SMC1B: variants seen among roughly 807,000 people sequenced by gnomAD.
The protein encoded by SMC1B is structural maintenance of chromosomes protein 1B.
Under a neutral mutation model 157.9 loss-of-function variants are expected in SMC1B, and 60 were observed. That is an observed-to-expected ratio of 0.38 (90% CI 0.31 to 0.47). SMC1B has a LOEUF of 0.47. Ranked by LOEUF, SMC1B falls within the 20% of genes least tolerant of loss-of-function variation. SMC1B has a pLI of 0.99. For missense variants in SMC1B, 1,165 were observed against 1,426.2 expected, an observed-to-expected ratio of 0.82 and a Z score of 2.95; for synonymous variants, 445 against 483.0, an observed-to-expected ratio of 0.92 and a Z score of 1.03.
At chr22:45,408,376 C>T (rs371738001) in intron 2 of SMC1B, among the ~76,000 whole-genome samples, 11 of 151,968 alleles carry the variant, frequency 7.2e-5, no homozygotes, top group African/African-American at 2.4e-4. Flanking sequence ...CCGCCCGCCT[C>T]GGCCTCCCAA....
At chr22:45,413,381 A>G in intron 1 of SMC1B, 78 bp downstream of exon 1, 1 of 1,184,726 alleles carries the variant, frequency 8.4e-7, no homozygotes, top group Non-Finnish European at 1.2e-6. Context: ...GCAGACGCCC[A>G]CACCCCACAG....
At chr22:45,372,813 C>A (rs562380668) in intron 12 of SMC1B, among the ~76,000 whole-genome samples, 6 of 150,244 alleles carry the variant, frequency 4.0e-5, no homozygotes, top group African/African-American at 1.5e-4. Context: ...CCCAGGTTCA[C>A]GCCATTCTCC....
intron 7 of SMC1B, among the ~76,000 whole-genome samples, chr22:45,395,456 G>T (rs574151827): frequency 6.6e-6 from 1 of 152,232 alleles, no homozygotes; most frequent in South Asian, 2.1e-4. Flanking sequence ...TAAGTGCAAG[G>T]TTTACAATGG....
At chr22:45,388,986 C>CAAAAAAAAAAAAAAAAAA (rs371475132) in intron 10 of SMC1B, among the ~76,000 whole-genome samples, 2 of 54,474 alleles carry the variant, frequency 3.7e-5, no homozygotes, top group African/African-American at 6.3e-5. Context: ...GACTCTGCCT[C>CAAAAAAAAAAAAAAAAAA]AAAAAAAAAA....
chr22:45,385,123 T>C (rs1315960116), intron 11 of SMC1B, among the ~76,000 whole-genome samples: 1 of 152,178 alleles, frequency 6.6e-6, no homozygotes, highest in Non-Finnish European at 1.5e-5. Flanking sequence ...ATAGAATAAT[T>C]ACATGTATGT....
intron 12 of SMC1B, among the ~76,000 whole-genome samples, chr22:45,382,947 A>T (rs1009463577): frequency 4.6e-5 from 7 of 152,168 alleles, no homozygotes; most frequent in Non-Finnish European, 1.0e-4. Flanking sequence ...CAGCCTGACC[A>T]ACATGGAGAA....
Position 45,345,556 on chromosome 22 carries a change from A to G in SMC1B, c.3509T>C (p.Ile1170Thr), listed in dbSNP as rs1367973179. 6.2e-7 allele frequency: 1 copy of G among 1,607,178 alleles called. No homozygotes were observed. Among genetic ancestry groups the G allele is most frequent in the Non-Finnish European group, 8.5e-7 (1 of 1,173,736 alleles). Residue 1170 changes from isoleucine to threonine, a missense_variant, in exon 24 of 25, where the codon ATC becomes ACC. Physicochemically the swap from Ile to Thr is moderately conservative, Grantham distance 89. Coordinates refer to ENST00000357450, the MANE Select transcript of SMC1B (RefSeq NM_148674.5). ...AAACTGGTCTTGAGTTTGCTCTTTGATGTAACTTGACACCTGGAAGAAATA... is the reference window on the plus strand; with the variant it reads ...AAACTGGTCTTGAGTTTGCTCTTTGGTGTAACTTGACACCTGGAAGAAATA... Reference protein sequence around the residue: ...NTNIGKVSSYIKEQTQDQFQM... With the variant: ...NTNIGKVSSYTKEQTQDQFQM...
intron 11 of SMC1B, among the ~76,000 whole-genome samples, chr22:45,384,755 T>A (rs1356695125): frequency 6.6e-6 from 1 of 151,784 alleles, no homozygotes; most frequent in Admixed American, 6.6e-5. Flanking sequence ...TTTCCCATGG[T>A]TTCTCTTAGA....
At position 45,383,543 on chromosome 22, in the gene SMC1B, T is replaced by C; in HGVS notation, c.1982A>G (p.Tyr661Cys). The C allele has an allele frequency of 6.2e-7, 1 of 1,610,706 alleles. No homozygotes were observed. The highest frequency in any genetic ancestry group is 8.5e-7 in the Non-Finnish European group (1 of 1,178,960). Residue 661 changes from tyrosine (Y) to cysteine (C), a missense_variant, in exon 12 of 25, where the codon TAC becomes TGC. Physicochemically the swap from Tyr to Cys is radical, Grantham distance 194. Coordinates refer to ENST00000357450, the MANE Select transcript of SMC1B (RefSeq NM_148674.5). ...TTTCTCATCCCAGCATCTAGCCTTG[T>C]ATTTTAAGTCACTTGACCCTCCAGA... ...VISGGSSDLK[Y>C]KARCWDEKEL...
intron 5 of SMC1B, among the ~76,000 whole-genome samples, chr22:45,401,245 G>A (rs1173429793): frequency 2.0e-5 from 3 of 152,230 alleles, no homozygotes; most frequent in African/African-American, 7.2e-5. Flanking sequence ...GGCAGATAGT[G>A]AAGGTTAAGA....
rs913328255 is a variant in SMC1B at position 45,349,406 on chromosome 22, G to A, written c.3495+322C>T. 6.0e-5 allele frequency among the ~76,000 whole-genome samples: 9 copies of A among 149,970 alleles called. 1 individual carries two copies. The highest frequency in any genetic ancestry group is 7.1e-3 in the Middle Eastern group (2 of 282). On this transcript the variant is annotated intron_variant, in intron 23 of 24. Coordinates refer to ENST00000357450, the MANE Select transcript of SMC1B (RefSeq NM_148674.5). ...GGCTGGAGTGCAGTGGTGCAATCTCGGCTCACTGCAACCTTCACCTCCCGG... is the reference window on the plus strand; with the variant it reads ...GGCTGGAGTGCAGTGGTGCAATCTCAGCTCACTGCAACCTTCACCTCCCGG...
At chr22:45,395,019 C>A (rs879348543) in intron 7 of SMC1B, among the ~76,000 whole-genome samples, 1 of 152,122 alleles carries the variant, frequency 6.6e-6, no homozygotes, top group Admixed American at 6.6e-5. Context: ...TTTCAAATAT[C>A]TATATAGTTC....
At chr22:45,355,944 C>T (rs758918347) in intron 19 of SMC1B, among the ~76,000 whole-genome samples, 1 of 152,174 alleles carries the variant, frequency 6.6e-6, no homozygotes, top group African/African-American at 2.4e-5. Context: ...GTGGCGGATG[C>T]CTGTAGTCCC....
intron 9 of SMC1B, 116 bp from the exon 10 acceptor site, chr22:45,390,013 T>C (rs1177445231): frequency 2.5e-6 from 2 of 787,156 alleles, no homozygotes; most frequent in East Asian, 5.4e-5. Context: ...TAAAATTACA[T>C]ACATCATAAT....
intron 10 of SMC1B, among the ~76,000 whole-genome samples, chr22:45,387,770 G>A (rs1031756324): frequency 2.0e-5 from 3 of 152,130 alleles, no homozygotes; most frequent in Non-Finnish European, 4.4e-5. Context: ...TGTAGCTTAC[G>A]CCTGTAATCC....
intron 1 of SMC1B, among the ~76,000 whole-genome samples, chr22:45,409,600 ATAAATAAAT>A (rs1431017412): frequency 6.6e-4 from 52 of 79,172 alleles, no homozygotes; most frequent in African/African-American, 4.4e-3. Context: ...AAATAAATAA[ATAAATAAAT>A]AAAAACAAGA....
chr22:45,392,867 C>A lies in SMC1B; in HGVS notation c.1545+767G>T, dbSNP rs573125249. The stretch of plus-strand genomic sequence containing the variant: ...AGGCGCCTGCCACAATGTGCGGCTA[C>A]TTTTTGCATTTTTAGTAGAGACAGG... On this transcript the variant is annotated intron_variant, in intron 9 of 24. Coordinates refer to ENST00000357450, the MANE Select transcript of SMC1B (RefSeq NM_148674.5). Among the ~76,000 whole-genome samples the A allele has an allele frequency of 1.8e-3, 279 of 152,012 alleles. 2 individuals carry two copies. The highest frequency in any genetic ancestry group is 0.01 in the Middle Eastern group (3 of 294).
intron 4 of SMC1B, among the ~76,000 whole-genome samples, chr22:45,403,757 C>T (rs2087224779): frequency 6.6e-6 from 1 of 152,172 alleles, no homozygotes; most frequent in South Asian, 2.1e-4. Flanking sequence ...CCATACCCAG[C>T]CCAACCCTGC....
rs368607845 is a variant in SMC1B, at chr22:45,372,326, G to T, written c.2059-34C>A. 135 of 1,545,720 alleles carry T rather than the reference G, an allele frequency of 8.7e-5. No individual in the cohort carries two copies. In the African/African-American group the frequency reaches 1.6e-3, roughly 18 times the overall value. On this transcript the variant is annotated intron_variant, in intron 12 of 24. Coordinates refer to ENST00000357450, the MANE Select transcript of SMC1B (RefSeq NM_148674.5). ...AAAGAAAAACATGAGAATATTTTAT[G>T]ATAGAAAAGCACTTTCACTTTTCAA...
Sources: allele counts gnomAD v4.1 joint callset (sites outside exome capture counted in the v4.1 genomes callset), GRCh38; gene constraint gnomAD v4.1.1; transcripts MANE v1.5; gene names NCBI Gene and HGNC (gene_info 2026-07-23, HGNC 2026-07-21).